ADGRV1: variants seen among roughly 807,000 people sequenced by gnomAD.
ADGRV1 encodes the protein adhesion G protein-coupled receptor V1.
ADGRV1 carries 359 observed loss-of-function variants against 596.2 expected under a neutral mutation model. The ratio of observed to expected loss-of-function variants is 0.60; its 90% confidence interval spans 0.55 to 0.66. ADGRV1 has a LOEUF of 0.66. Ranked by LOEUF, ADGRV1 falls within the 30% of genes least tolerant of loss-of-function variation. ADGRV1 has a pLI of 0.00. For synonymous variants in ADGRV1, 2,681 were observed against 2,679.2 expected (o/e 1.00, Z -0.02); for missense variants, 7,274 against 7,575.6 (o/e 0.96, Z 1.48).
At chr5:90,592,875 A>G (rs1284663732) in intron 1 of ADGRV1, among the ~76,000 whole-genome samples, 1 of 152,264 alleles carries the variant, frequency 6.6e-6, no homozygotes, top group Non-Finnish European at 1.5e-5. Flanking sequence ...CATCAGAGAA[A>G]TGCAAATCAA....
chr5:90,720,743 A>T (rs1318675438), intron 44 of ADGRV1, among the ~76,000 whole-genome samples, 192 bp from the exon 45 acceptor site: 1 of 152,158 alleles, frequency 6.6e-6, no homozygotes, highest in East Asian at 1.9e-4. Context: ...TAAGAATGAC[A>T]ATTTTATTTC....
chr5:90,588,558 C>T (rs1453774644), intron 1 of ADGRV1, among the ~76,000 whole-genome samples: 2 of 152,078 alleles, frequency 1.3e-5, no homozygotes, highest in Non-Finnish European at 2.9e-5. Context: ...GTGATACGTC[C>T]CATGACGTAG....
intron 86 of ADGRV1, among the ~76,000 whole-genome samples, chr5:91,092,234 G>A (rs1361772927): frequency 2.6e-5 from 4 of 152,116 alleles, no homozygotes; most frequent in African/African-American, 4.8e-5. Flanking sequence ...CGAATAGCTG[G>A]GATTACAGGT....
At chr5:90,578,733 G>C (rs910141738) in intron 1 of ADGRV1, among the ~76,000 whole-genome samples, 1 of 152,150 alleles carries the variant, frequency 6.6e-6, no homozygotes, top group Non-Finnish European at 1.5e-5. Context: ...CTGTGAATCC[G>C]TCTGGTCGTG....
At chr5:90,761,761 A>G (rs1187699497) in intron 58 of ADGRV1, among the ~76,000 whole-genome samples, 1 of 152,218 alleles carries the variant, frequency 6.6e-6, no homozygotes, top group African/African-American at 2.4e-5. Flanking sequence ...ATTGTTGAAT[A>G]TGTAAAGCAT....
chr5:91,070,514 GTA>G (rs1006159054), intron 85 of ADGRV1, among the ~76,000 whole-genome samples: 9 of 152,200 alleles, frequency 5.9e-5, no homozygotes, highest in African/African-American at 2.2e-4. Context: ...GTAATTGAAA[GTA>G]TAGTCTTGTA....
intron 1 of ADGRV1, chr5:90,614,290 G>T: frequency 3.1e-6 from 1 of 322,588 alleles, no homozygotes; most frequent in Non-Finnish European, 5.9e-6. Flanking sequence ...TTTAAGTCCT[G>T]GAAATTTATC....
At chr5:90,804,529 T>G (rs912095277) in intron 71 of ADGRV1, among the ~76,000 whole-genome samples, 1 of 152,186 alleles carries the variant, frequency 6.6e-6, no homozygotes, top group Non-Finnish European at 1.5e-5. Flanking sequence ...CCCTCTCATG[T>G]TTTTCTGTTA....
At chr5:90,698,739 A>G (rs1032991853) in intron 34 of ADGRV1, among the ~76,000 whole-genome samples, 1 of 150,498 alleles carries the variant, frequency 6.6e-6, no homozygotes, top group Admixed American at 6.7e-5. Flanking sequence ...AAATTATCGG[A>G]ATGGAACCAT....
chr5:90,569,388 T>TATATA (rs1554048594), intron 1 of ADGRV1, among the ~76,000 whole-genome samples: 15 of 18,810 alleles, frequency 8.0e-4, no homozygotes, highest in African/African-American at 3.1e-3. Flanking sequence ...TATATATATA[T>TATATA]TTTTTTTTTT....
At chr5:91,100,665 T>C (rs1278733485) in intron 86 of ADGRV1, among the ~76,000 whole-genome samples, 2 of 152,170 alleles carry the variant, frequency 1.3e-5, no homozygotes, top group African/African-American at 2.4e-5. Flanking sequence ...ATGCCACATA[T>C]AAAACTTCTT....
At chr5:91,023,028 T>A (rs965812740) in intron 85 of ADGRV1, among the ~76,000 whole-genome samples, 1 of 152,162 alleles carries the variant, frequency 6.6e-6, no homozygotes, top group Admixed American at 6.5e-5. Flanking sequence ...CACAGTTGTC[T>A]CAGGACTTAC....
At chr5:90,595,476 G>A (rs1455853468) in intron 1 of ADGRV1, among the ~76,000 whole-genome samples, 298 of 80,080 alleles carry the variant, frequency 3.7e-3, no homozygotes, top group African/African-American at 0.015. Flanking sequence ...GCGGCTGGCC[G>A]GGCAGAGGGG....
intron 78 of ADGRV1, among the ~76,000 whole-genome samples, chr5:90,845,549 T>C (rs1473159556): frequency 6.6e-6 from 1 of 152,156 alleles, no homozygotes; most frequent in Non-Finnish European, 1.5e-5. Context: ...GAAGTTAAAC[T>C]AAATTTTTGT....
chr5:90,974,811 C>T lies in ADGRV1; in HGVS notation c.17973+9280C>T, dbSNP rs950172328. On this transcript the variant is annotated intron_variant, in intron 84 of 89. Transcript: ENST00000405460. ...ATGGGCAAGGACTTCATGTCTAAAACACCAAAAGCAATGGCAACCAAAGCC... is the reference window on the plus strand; with the variant it reads ...ATGGGCAAGGACTTCATGTCTAAAATACCAAAAGCAATGGCAACCAAAGCC... Among the ~76,000 whole-genome samples, 7 of 152,316 alleles carry T rather than the reference C, an allele frequency of 4.6e-5. 1 individual carries two copies. The highest frequency in any genetic ancestry group is 2.6e-4 in the Admixed American group (4 of 15,292).
chr5:91,149,888 A>G, intron 87 of ADGRV1, 142 bp from the exon 88 acceptor site: 1 of 487,750 alleles, frequency 2.1e-6, no homozygotes, highest in Non-Finnish European at 3.4e-6. Flanking sequence ...CAAATTACCC[A>G]GTCTTGGGTA....
intron 59 of ADGRV1, among the ~76,000 whole-genome samples, chr5:90,769,245 C>T (rs1391338895): frequency 6.6e-6 from 1 of 152,130 alleles, no homozygotes; most frequent in Non-Finnish European, 1.5e-5. Context: ...CCTCTCTTTC[C>T]CTTGGTCTTT....
chr5:90,616,957 T>C (rs563121272), intron 2 of ADGRV1, among the ~76,000 whole-genome samples: 10 of 152,306 alleles, frequency 6.6e-5, no homozygotes, highest in African/African-American at 2.4e-4. Flanking sequence ...CCACATTCTT[T>C]AGCTGGATGA....
At chr5:91,054,235 A>G (rs1040425636) in intron 85 of ADGRV1, among the ~76,000 whole-genome samples, 3 of 151,990 alleles carry the variant, frequency 2.0e-5, no homozygotes, top group Non-Finnish European at 4.4e-5. Context: ...GTTCAATCCT[A>G]GTTTATTTCT....
Sources: gnomAD v4.1 joint callset for allele counts (sites outside exome capture counted in the v4.1 genomes callset) on GRCh38, gnomAD v4.1.1 for gene constraint, MANE v1.5 for transcripts, NCBI Gene and HGNC (gene_info 2026-07-23, HGNC 2026-07-21) for gene names.